MPDZ: variants seen among roughly 807,000 people sequenced by gnomAD.
MPDZ encodes multiple PDZ domain protein.
In MPDZ, 234 loss-of-function variants were observed where a neutral mutation model predicts 239.1. The ratio of observed to expected loss-of-function variants is 0.98; its 90% CI spans 0.88 to 1.09. The LOEUF (loss-of-function observed/expected upper bound fraction) is 1.09, where lower values mean the gene tolerates loss of function less well. MPDZ is among the 50% of genes least tolerant of loss of function. The pLI is 0.00. For missense variants in MPDZ, 3,175 were observed against 2,510.0 expected (o/e 1.26, Z -5.66); for synonymous variants, 1,048 against 881.3 (o/e 1.19, Z -3.35).
intron 1 of MPDZ, among the ~76,000 whole-genome samples, chr9:13,278,188 G>C (rs1243896078): frequency 6.6e-6 from 1 of 152,158 alleles, no homozygotes; most frequent in East Asian, 1.9e-4. Context: ...ATGACATCAA[G>C]GAACATGGAG....
chr9:13,239,208 T>C (rs1157016395), intron 3 of MPDZ, among the ~76,000 whole-genome samples: 1 of 152,176 alleles, frequency 6.6e-6, no homozygotes, highest in Non-Finnish European at 1.5e-5. Context: ...TGAGATCAGA[T>C]AATCATAAGA....
intron 1 of MPDZ, chr9:13,279,056 G>A (rs1289983760): frequency 6.6e-6 from 1 of 152,410 alleles, no homozygotes; most frequent in Non-Finnish European, 1.5e-5. Flanking sequence ...GCAAAAGAAA[G>A]GGGTGGCGGG....
At chr9:13,278,182 C>T (rs1194044549) in intron 1 of MPDZ, among the ~76,000 whole-genome samples, 1 of 152,188 alleles carries the variant, frequency 6.6e-6, no homozygotes, top group African/African-American at 2.4e-5. Flanking sequence ...TTCTCTATGA[C>T]ATCAAGGAAC....
At chr9:13,274,705 G>A (rs1347448353) in intron 1 of MPDZ, 1 of 150,984 alleles carries the variant, frequency 6.6e-6, no homozygotes, top group Admixed American at 6.6e-5. Flanking sequence ...CATTTCTGAA[G>A]GAAAAAAGAT....
chr9:13,139,036 C>T (rs971788897), intron 28 of MPDZ, among the ~76,000 whole-genome samples: 1 of 152,186 alleles, frequency 6.6e-6, no homozygotes, highest in Non-Finnish European at 1.5e-5. Flanking sequence ...TGATTGTTAG[C>T]AATATGCTCT....
chr9:13,215,314 AAC>A (rs896439327), intron 10 of MPDZ, among the ~76,000 whole-genome samples: 2 of 151,754 alleles, frequency 1.3e-5, no homozygotes, highest in African/African-American at 2.4e-5. Flanking sequence ...AAGACTGAAT[AAC>A]ATTCTATTGG....
At chr9:13,237,192 C>T (rs1273464574) in intron 3 of MPDZ, among the ~76,000 whole-genome samples, 2 of 151,656 alleles carry the variant, frequency 1.3e-5, no homozygotes, top group Non-Finnish European at 2.9e-5. Context: ...CCTGTAATCC[C>T]AGCACTTTGG....
intron 3 of MPDZ, among the ~76,000 whole-genome samples, chr9:13,229,099 T>A (rs2136631845): frequency 6.6e-6 from 1 of 152,292 alleles, no homozygotes; most frequent in South Asian, 2.1e-4. Flanking sequence ...ATAATTTATC[T>A]TTAGTTCTAT....
At chr9:13,125,143 T>C in intron 35 of MPDZ, 73 bp downstream of exon 35, 11 of 1,388,926 alleles carry the variant, frequency 7.9e-6, no homozygotes, top group Non-Finnish European at 1.1e-5. Flanking sequence ...GGCAGCTGGC[T>C]CCCAAGCAGA....
intron 21 of MPDZ, among the ~76,000 whole-genome samples, chr9:13,175,009 GA>G (rs1369845185): frequency 4.6e-5 from 7 of 152,150 alleles, no homozygotes; most frequent in Admixed American, 6.5e-5. Flanking sequence ...TTCATAGAAG[GA>G]AAAGGATCTC....
At position 13,162,791 on chromosome 9, in the gene MPDZ, T is replaced by C. The variant is rs763589304; in HGVS notation, c.3259A>G (p.Thr1087Ala). The change falls in exon 23 of 47, where the codon ACT becomes GCT. Residue 1087 changes from threonine (T) to alanine (A), a missense_variant. Coordinates refer to ENST00000319217, the MANE Select transcript of MPDZ (RefSeq NM_001378778.1). The part of the protein sequence containing the change: ...HSLIGPDIKI[T>A]YVPAEHLEEF... ...TCCAAATGTTCTGCAGGCACATAAGTAATTCTGGAACAAACCAGAATCCAT... is the reference window on the plus strand; with the variant it reads ...TCCAAATGTTCTGCAGGCACATAAGCAATTCTGGAACAAACCAGAATCCAT... 9.3e-6 allele frequency: 15 copies of C among 1,606,790 alleles called. No individual in the cohort carries two copies. In the African/African-American group the frequency reaches 1.9e-4, roughly 20 times the overall value.
At chr9:13,162,136 C>T (rs185469984) in intron 23 of MPDZ, among the ~76,000 whole-genome samples, 1 of 152,044 alleles carries the variant, frequency 6.6e-6, no homozygotes, top group East Asian at 2.0e-4. Flanking sequence ...TGGTGGCACA[C>T]ACCTATAATC....
At chr9:13,183,671 C>A in intron 18 of MPDZ, 86 bp from the exon 19 acceptor site, 2 of 1,260,116 alleles carry the variant, frequency 1.6e-6, no homozygotes, top group Middle Eastern at 2.1e-4. Flanking sequence ...AAAAGGCAAA[C>A]TGGTATCATT....
chr9:13,191,797 A>G (rs1320602495), intron 15 of MPDZ, among the ~76,000 whole-genome samples: 2 of 152,212 alleles, frequency 1.3e-5, no homozygotes, highest in Non-Finnish European at 1.5e-5. Flanking sequence ...AAATGCTGCA[A>G]GTAAATTAAA....
intron 3 of MPDZ, among the ~76,000 whole-genome samples, chr9:13,227,848 T>G (rs879766956): frequency 2.6e-5 from 4 of 152,156 alleles, no homozygotes; most frequent in African/African-American, 9.7e-5. Context: ...AGATCACATA[T>G]TTAAAAACTA....
At chr9:13,114,640 G>A (rs924788823) in intron 40 of MPDZ, among the ~76,000 whole-genome samples, 1 of 152,150 alleles carries the variant, frequency 6.6e-6, no homozygotes, top group Non-Finnish European at 1.5e-5. Flanking sequence ...GGTGGCTCAT[G>A]CCTGTAATCC....
At chr9:13,227,903 C>T (rs540226632) in intron 3 of MPDZ, among the ~76,000 whole-genome samples, 1 of 151,918 alleles carries the variant, frequency 6.6e-6, no homozygotes, top group Admixed American at 6.6e-5. Context: ...TATAAATTGG[C>T]AAATTTATAC....
At chr9:13,266,180 T>C (rs1054288508) in intron 1 of MPDZ, among the ~76,000 whole-genome samples, 1 of 152,240 alleles carries the variant, frequency 6.6e-6, no homozygotes, top group African/African-American at 2.4e-5. Flanking sequence ...ATTCAGTCAG[T>C]GGCTTTCATG....
At chr9:13,193,945 A>G (rs1410620666) in intron 13 of MPDZ, among the ~76,000 whole-genome samples, 1 of 152,208 alleles carries the variant, frequency 6.6e-6, no homozygotes, top group African/African-American at 2.4e-5. Context: ...TTGATTAAAA[A>G]GAGCTCTTTC....
Sources: gnomAD v4.1 joint callset for allele counts (sites outside exome capture counted in the v4.1 genomes callset) on GRCh38, gnomAD v4.1.1 for gene constraint, MANE v1.5 for transcripts, NCBI Gene and HGNC (gene_info 2026-07-23, HGNC 2026-07-21) for gene names.